The following UBC variants were observed in gnomAD, a reference collection of about 807,000 sequenced individuals.
UBC encodes ubiquitin C, also known as polyubiquitin-C.
UBC carries 8 observed loss-of-function variants against 34.7 expected under a neutral mutation model. The observed-to-expected ratio is 0.23, with a 90% CI of 0.14 to 0.42. UBC has a LOEUF of 0.42. Ranked by LOEUF, UBC falls within the 10% of genes least tolerant of loss-of-function variation. The pLI, the probability that UBC is intolerant of heterozygous loss-of-function variation, is 1.00. For missense variants in UBC, 323 were observed against 750.3 expected, an observed-to-expected ratio of 0.43 and a Z score of 6.65; for synonymous variants, 367 against 299.8, an observed-to-expected ratio of 1.22 and a Z score of -2.32.
rs1953541357 is a variant in UBC at position 124,912,787 on chromosome 12, T to C, written c.985A>G (p.Asn329Asp). 4 of 1,601,290 alleles carry C rather than the reference T, an allele frequency of 2.5e-6. No homozygotes were observed. The highest frequency in any genetic ancestry group is 1.4e-5 in the African/African-American group (1 of 70,672). Residue 329 changes from asparagine to aspartate, a missense_variant, in exon 2 of 2, where the codon AAT becomes GAT. By Grantham distance (23) the Asn-to-Asp change is conservative. Transcript: ENST00000339647. ...TTGTCTTGGATCTTTGCCTTGACAT[T>C]CTCAATGGTGTCACTCGGCTCCACT... Reference protein sequence around the residue: ...LEVEPSDTIENVKAKIQDKEG... With the variant: ...LEVEPSDTIEDVKAKIQDKEG...
At chr12:124,914,382 ACCTCACAGCCCG>A (rs1953580839) in intron 1 of UBC, 193 bp downstream of exon 1, 1 of 156,350 alleles carries the variant, frequency 6.4e-6, no homozygotes, top group Non-Finnish European at 1.4e-5. Flanking sequence ...TGTTTCAACG[ACCTCACAGCCCG>A]CCTCACAAGC....
At chr12:124,914,512 C>G (rs1360306127) in intron 1 of UBC, 75 bp downstream of exon 1, 1 of 153,048 alleles carries the variant, frequency 6.5e-6, no homozygotes, top group Non-Finnish European at 1.5e-5. Flanking sequence ...TTGGCGGTCT[C>G]TCCACACGCC....
At chr12:124,914,491 G>A (rs12227958) in intron 1 of UBC, 96 bp downstream of exon 1, 4 of 153,728 alleles carry the variant, frequency 2.6e-5, no homozygotes, top group African/African-American at 7.2e-5. Flanking sequence ...CGCGGACCCA[G>A]ACTACAGCCC....
In UBC at chr12:124,913,045, G is replaced by T. The variant is rs771286675; in HGVS notation, c.727C>A (p.Leu243Ile). Residue 243 changes from leucine to isoleucine, a missense_variant, in exon 2 of 2, where the codon CTT becomes ATT. Coordinates refer to ENST00000339647, the MANE Select transcript of UBC (RefSeq NM_021009.7). ...VKTLTGKTIT[L>I]EVEPSDTIEN... ...ATAGTGTCACTGGGCTCGACCTCAA[G>T]GGTGATGGTCTTGCCAGTGAGTGTC... 8 of 1,611,132 alleles carry T rather than the reference G, an allele frequency of 5.0e-6. No homozygotes were observed. Among genetic ancestry groups the T allele is most frequent in the Non-Finnish European group, 6.8e-6 (8 of 1,178,892 alleles).
rs375569252 is a variant in UBC at position 124,911,706 on chromosome 12, G to A, written c.*8C>T. ...AATGAAATTTGTTGAAACCTTAAAA[G>A]GGGAAACTTAGACACCCCCCCTCAA... is the stretch of plus-strand genomic sequence containing the variant. On this transcript the variant is annotated 3_prime_UTR_variant, in exon 2 of 2. Coordinates refer to ENST00000339647, the MANE Select transcript of UBC (RefSeq NM_021009.7). 3.1e-4 allele frequency: 502 copies of A among 1,611,062 alleles called. No homozygotes were observed. The highest frequency in any genetic ancestry group is 3.1e-4 in the Non-Finnish European group (368 of 1,178,800).
Sources: allele counts gnomAD v4.1 joint callset, GRCh38; gene constraint gnomAD v4.1.1; transcripts MANE v1.5; gene names NCBI Gene and HGNC (gene_info 2026-07-23, HGNC 2026-07-21).